The following VWDE variants were observed in gnomAD, a reference collection of about 807,000 sequenced individuals.
VWDE encodes von Willebrand factor D and EGF domain-containing protein.
In VWDE, 207 loss-of-function variants were observed where a neutral mutation model predicts 178.4. The ratio of observed to expected loss-of-function variants is 1.16; its 90% CI spans 1.04 to 1.30. The LOEUF is 1.30. Ranked by LOEUF, VWDE falls within the 50% of genes most tolerant of loss-of-function variation. The pLI, the probability that VWDE is intolerant of heterozygous loss-of-function variation, is 0.00. For missense variants in VWDE, 2,287 were observed against 1,901.3 expected (o/e 1.20, Z -3.77); for synonymous variants, 738 against 651.4 (o/e 1.13, Z -2.02).
At chr7:12,338,484 T>C (rs1422914202) in intron 24 of VWDE, among the ~76,000 whole-genome samples, 2 of 152,096 alleles carry the variant, frequency 1.3e-5, no homozygotes, top group African/African-American at 4.8e-5. Context: ...CTCCACAAAT[T>C]GTTTATGATG....
At chr7:12,358,708 A>T (rs1234795690) in intron 16 of VWDE, among the ~76,000 whole-genome samples, 2 of 152,186 alleles carry the variant, frequency 1.3e-5, no homozygotes, top group African/African-American at 4.8e-5. Context: ...ATGACCCTTT[A>T]TGACTTTGAA....
At chr7:12,394,902 C>A (rs1296101693) in intron 1 of VWDE, among the ~76,000 whole-genome samples, 2 of 152,036 alleles carry the variant, frequency 1.3e-5, no homozygotes, top group African/African-American at 2.4e-5. Context: ...ATCAATTTCT[C>A]AACTTTAATA....
chr7:12,336,345 G>A (rs1781029478), intron 26 of VWDE, 109 bp from the exon 27 acceptor site: 1 of 856,968 alleles, frequency 1.2e-6, no homozygotes, highest in Non-Finnish European at 1.8e-6. Context: ...TTACAAGTAA[G>A]TGATTAAAGA....
At chr7:12,372,072 G>C (rs1783235917) in intron 10 of VWDE, among the ~76,000 whole-genome samples, 1 of 152,010 alleles carries the variant, frequency 6.6e-6, no homozygotes, top group Non-Finnish European at 1.5e-5. Context: ...TATGAAAGAT[G>C]TTCAACCTTT....
At chr7:12,346,651 C>CA (rs975581256) in intron 19 of VWDE, among the ~76,000 whole-genome samples, 5 of 151,912 alleles carry the variant, frequency 3.3e-5, no homozygotes, top group Admixed American at 2.0e-4. Context: ...TTTCACCTGC[C>CA]AAAATACTTC....
chr7:12,387,646 T>G (rs971972536), intron 3 of VWDE, among the ~76,000 whole-genome samples: 1 of 152,160 alleles, frequency 6.6e-6, no homozygotes, highest in African/African-American at 2.4e-5. Context: ...ACTACTATAA[T>G]AACCAACTAA....
At chr7:12,372,759 T>C (rs941031739) in intron 10 of VWDE, among the ~76,000 whole-genome samples, 2 of 152,122 alleles carry the variant, frequency 1.3e-5, no homozygotes, top group Non-Finnish European at 2.9e-5. Flanking sequence ...CATGCTGAAA[T>C]GTTAAATAAG....
At chr7:12,364,333 C>T (rs1409041739) in intron 13 of VWDE, among the ~76,000 whole-genome samples, 9 of 152,024 alleles carry the variant, frequency 5.9e-5, no homozygotes, top group African/African-American at 2.2e-4. Context: ...TTTTAAATGA[C>T]CCTCTTTGAT....
intron 24 of VWDE, 72 bp downstream of exon 24, chr7:12,340,250 A>G (rs1302855714): frequency 8.4e-7 from 1 of 1,189,332 alleles, no homozygotes. Context: ...AACTTGTCTC[A>G]TGTTTACTCA....
At chr7:12,402,606 A>C (rs939084222) in intron 1 of VWDE, among the ~76,000 whole-genome samples, 2 of 152,194 alleles carry the variant, frequency 1.3e-5, no homozygotes. Flanking sequence ...TATTTATCTA[A>C]CTGTAATGAA....
At chr7:12,349,589 T>C (rs1781817267) in intron 19 of VWDE, among the ~76,000 whole-genome samples, 1 of 151,102 alleles carries the variant, frequency 6.6e-6, no homozygotes, top group African/African-American at 2.4e-5. Flanking sequence ...ATAAACACAA[T>C]AATTTAAGTA....
chr7:12,380,728 G>C lies in VWDE; in HGVS notation c.547C>G (p.Leu183Val). The change falls in exon 5 of 29, where the codon CTG becomes GTG. Residue 183 changes from leucine (L) to valine (V), a missense_variant. Physicochemically the swap from Leu to Val is conservative, Grantham distance 32. Coordinates refer to ENST00000275358, the MANE Select transcript of VWDE (RefSeq NM_001135924.3). ...GGTGGAGGTGGCAATGAGGCAGCCA[G>C]CTGACCTGGGGAGAAAATGCATAAT... is the stretch of plus-strand genomic sequence containing the variant. ...TETGGDCVRQ[L>V]AASLPPPPAG... 1 of 1,551,548 alleles carries C rather than the reference G, an allele frequency of 6.4e-7. No homozygotes were observed. Among genetic ancestry groups the C allele is most frequent in the Non-Finnish European group, 8.7e-7 (1 of 1,146,892 alleles).
At chr7:12,332,407 T>C (rs114118277) in intron 28 of VWDE, among the ~76,000 whole-genome samples, 1,558 of 151,772 alleles carry the variant, frequency 0.01, 38 homozygotes, top group African/African-American at 0.036. Flanking sequence ...TGATTTGCTA[T>C]TGATCATATG....
intron 5 of VWDE, 49 bp from the exon 6 acceptor site, chr7:12,379,615 A>G: frequency 7.4e-7 from 1 of 1,354,356 alleles, no homozygotes; most frequent in Non-Finnish European, 1.0e-6. Flanking sequence ...ATTTTGGAGA[A>G]AACGTGTAAA....
At chr7:12,353,006 T>C (rs60964090) in intron 18 of VWDE, among the ~76,000 whole-genome samples, 2,792 of 152,312 alleles carry the variant, frequency 0.018, 82 homozygotes, top group African/African-American at 0.064. Context: ...GGATATTCCA[T>C]AGTAACCCTA....
At chr7:12,340,177 T>C in intron 24 of VWDE, 145 bp downstream of exon 24, 1 of 625,392 alleles carries the variant, frequency 1.6e-6, no homozygotes, top group East Asian at 2.8e-5. Context: ...AAGCTAGTAA[T>C]TTGGTGGGCA....
intron 13 of VWDE, among the ~76,000 whole-genome samples, chr7:12,364,823 G>A (rs912484223): frequency 2.2e-4 from 33 of 152,038 alleles, no homozygotes; most frequent in African/African-American, 7.7e-4. Context: ...TCCCTACAAC[G>A]TATTTATTAG....
rs774790017 is a variant in VWDE at position 12,379,582 on chromosome 7, A to G, written c.790-16T>C. On this transcript the variant is annotated splice_polypyrimidine_tract_variant and intron_variant, in intron 5 of 28. Coordinates refer to ENST00000275358, the MANE Select transcript of VWDE (RefSeq NM_001135924.3). ...TGCAGAATATCTATGGATATAATTAAAAAATAATCACTTAGAAATTCAATT... is the reference window on the plus strand; with the variant it reads ...TGCAGAATATCTATGGATATAATTAGAAAATAATCACTTAGAAATTCAATT... The G allele has an allele frequency of 1.8e-4, 266 of 1,505,260 alleles. No homozygotes were observed. Among genetic ancestry groups the G allele is most frequent in the Non-Finnish European group, 2.2e-4 (243 of 1,122,688 alleles). The allele number at this position is 1,505,260 out of a possible 1,614,324, so 93.2% of individuals were successfully genotyped here.
At chr7:12,351,822 T>G (rs1781962826) in intron 18 of VWDE, 109 bp from the exon 19 acceptor site, 1 of 916,226 alleles carries the variant, frequency 1.1e-6, no homozygotes, top group Non-Finnish European at 1.6e-6. Flanking sequence ...CTCTGCAAAT[T>G]AGACTGAATA....
Sources: gnomAD v4.1 joint callset for allele counts (sites outside exome capture counted in the v4.1 genomes callset) on GRCh38, gnomAD v4.1.1 for gene constraint, MANE v1.5 for transcripts, NCBI Gene and HGNC (gene_info 2026-07-23, HGNC 2026-07-21) for gene names.